FAF1: variants seen among roughly 807,000 people sequenced by gnomAD.
FAF1 encodes the protein Fas associated factor 1.
In FAF1, 25 loss-of-function variants were observed where a neutral mutation model predicts 92.5. The ratio of observed to expected loss-of-function variants is 0.27; its 90% confidence interval spans 0.20 to 0.38. The LOEUF (loss-of-function observed/expected upper bound fraction) is 0.38, where lower values mean the gene tolerates loss of function less well. FAF1 is among the 10% of genes least tolerant of loss of function. FAF1 has a pLI of 1.00. For synonymous variants in FAF1, 234 were observed against 273.2 expected (o/e 0.86, Z 1.42); for missense variants, 636 against 793.3 (o/e 0.80, Z 2.38).
At chr1:50,813,631 T>A (rs909676387) in intron 2 of FAF1, among the ~76,000 whole-genome samples, 4 of 151,986 alleles carry the variant, frequency 2.6e-5, no homozygotes, top group Non-Finnish European at 4.4e-5. Context: ...CAACTAATTT[T>A]AAAAATTTTT....
At chr1:50,678,001 T>C (rs965088507) in intron 7 of FAF1, among the ~76,000 whole-genome samples, 1 of 152,106 alleles carries the variant, frequency 6.6e-6, no homozygotes, top group African/African-American at 2.4e-5. Flanking sequence ...TTGTGAGATA[T>C]GTAGGCTAGA....
At chr1:50,884,920 G>A (rs1376795714) in intron 1 of FAF1, among the ~76,000 whole-genome samples, 2 of 152,138 alleles carry the variant, frequency 1.3e-5, no homozygotes, top group Non-Finnish European at 2.9e-5. Context: ...TTTGCTGGCA[G>A]ATTTTTCGTT....
At chr1:50,604,909 A>G (rs1652306199) in intron 8 of FAF1, among the ~76,000 whole-genome samples, 1 of 152,136 alleles carries the variant, frequency 6.6e-6, no homozygotes, top group Admixed American at 6.6e-5. Flanking sequence ...TTTCTTTTTA[A>G]AAGCTTTTGG....
At chr1:50,744,903 C>T in intron 4 of FAF1, 128 bp from the exon 5 acceptor site, 1 of 493,568 alleles carries the variant, frequency 2.0e-6, no homozygotes, top group Non-Finnish European at 3.5e-6. Flanking sequence ...ATGAATATTT[C>T]TGTATCTATA....
chr1:50,702,206 T>C (rs1657502638), intron 7 of FAF1, among the ~76,000 whole-genome samples: 1 of 152,134 alleles, frequency 6.6e-6, no homozygotes, highest in Non-Finnish European at 1.5e-5. Context: ...TTGGATTTGC[T>C]GAAAGCAAAT....
chr1:50,442,828 C>A (rs1408435568), intron 18 of FAF1, among the ~76,000 whole-genome samples: 2 of 152,156 alleles, frequency 1.3e-5, no homozygotes, highest in African/African-American at 4.8e-5. Flanking sequence ...ACCTGGTATG[C>A]TCAGGAGGGT....
intron 1 of FAF1, among the ~76,000 whole-genome samples, chr1:50,900,464 T>C (rs1035870591): frequency 5.3e-5 from 8 of 152,116 alleles, no homozygotes; most frequent in Non-Finnish European, 1.5e-5. Context: ...GACAGATGGA[T>C]GGATAGAAGC....
At chr1:50,788,320 C>T (rs1661438111) in intron 3 of FAF1, 115 bp from the exon 4 acceptor site, 1 of 836,352 alleles carries the variant, frequency 1.2e-6, no homozygotes, top group Non-Finnish European at 1.9e-6. Context: ...AGTTTACCTA[C>T]ATGTGTGTCA....
At chr1:50,676,059 G>A (rs1380039454) in intron 7 of FAF1, among the ~76,000 whole-genome samples, 2 of 152,164 alleles carry the variant, frequency 1.3e-5, no homozygotes, top group Non-Finnish European at 2.9e-5. Context: ...CACACTGCCA[G>A]CCATTCCTCC....
chr1:50,523,993 A>C (rs1246290791), intron 15 of FAF1, among the ~76,000 whole-genome samples: 2 of 152,104 alleles, frequency 1.3e-5, no homozygotes, highest in East Asian at 3.8e-4. Flanking sequence ...GGTTGAACTA[A>C]ATTACACTCC....
intron 8 of FAF1, among the ~76,000 whole-genome samples, chr1:50,639,723 C>T (rs1028603558): frequency 1.3e-5 from 2 of 151,922 alleles, no homozygotes; most frequent in African/African-American, 4.8e-5. Flanking sequence ...ATCACAAGGT[C>T]AGGAGTTCAA....
chr1:50,681,237 G>A (rs1292336477), intron 7 of FAF1, among the ~76,000 whole-genome samples: 1 of 151,974 alleles, frequency 6.6e-6, no homozygotes, highest in Non-Finnish European at 1.5e-5. Context: ...AGTAGAGACA[G>A]GGTTTAACCA....
At chr1:50,798,307 T>C (rs1333473858) in intron 3 of FAF1, among the ~76,000 whole-genome samples, 1 of 152,216 alleles carries the variant, frequency 6.6e-6, no homozygotes, top group Non-Finnish European at 1.5e-5. Context: ...GAACAAATTG[T>C]ACACCTGTCT....
chr1:50,914,331 A>G lies in FAF1; in HGVS notation c.45+45436T>C, dbSNP rs574907836. 1.9e-4 allele frequency among the ~76,000 whole-genome samples: 29 copies of G among 152,360 alleles called. 1 individual carries two copies. In the South Asian group the frequency reaches 5.8e-3, roughly 30 times the overall value. On this transcript the variant is annotated intron_variant, in intron 1 of 18. Transcript: ENST00000396153. Reference sequence around the variant, plus strand: ...TGTAAATAAGTATACAAAACTATATAGGCCAGTAAGAAGCATTTTTAATAT... The same window carrying G: ...TGTAAATAAGTATACAAAACTATATGGGCCAGTAAGAAGCATTTTTAATAT...
intron 4 of FAF1, among the ~76,000 whole-genome samples, chr1:50,756,011 C>T (rs565919637): frequency 5.9e-5 from 9 of 152,302 alleles, no homozygotes; most frequent in East Asian, 3.9e-4. Context: ...ACCTCTGACA[C>T]GCCCTGGAGA....
intron 1 of FAF1, among the ~76,000 whole-genome samples, chr1:50,929,383 G>T (rs1393007998): frequency 1.3e-5 from 2 of 152,072 alleles, no homozygotes; most frequent in African/African-American, 4.8e-5. Context: ...AATGATACTT[G>T]AGCAAGAATT....
intron 7 of FAF1, among the ~76,000 whole-genome samples, chr1:50,687,327 T>G (rs1381620914): frequency 6.7e-6 from 1 of 149,820 alleles, no homozygotes; most frequent in African/African-American, 2.5e-5. Context: ...TACAACCACC[T>G]TAACCAATTC....
At chr1:50,688,051 C>T (rs926671084) in intron 7 of FAF1, among the ~76,000 whole-genome samples, 2 of 151,876 alleles carry the variant, frequency 1.3e-5, no homozygotes, top group East Asian at 1.9e-4. Flanking sequence ...AGAAGAACAG[C>T]GTGAACCCGG....
chr1:50,687,606 C>A (rs533049192), intron 7 of FAF1, among the ~76,000 whole-genome samples: 2 of 152,028 alleles, frequency 1.3e-5, no homozygotes, highest in South Asian at 4.2e-4. Flanking sequence ...AAAAATTAGC[C>A]AGGCATGGGG....
Sources: allele counts gnomAD v4.1 joint callset (sites outside exome capture counted in the v4.1 genomes callset), GRCh38; gene constraint gnomAD v4.1.1; transcripts MANE v1.5; gene names NCBI Gene and HGNC (gene_info 2026-07-23, HGNC 2026-07-21).